The following ANKS1B variants were observed in gnomAD, a reference collection of about 807,000 sequenced individuals.
ANKS1B encodes ankyrin repeat and sterile alpha motif domain containing 1B.
In ANKS1B, 36 loss-of-function variants were observed where a neutral mutation model predicts 148.3. The observed-to-expected ratio is 0.24, with a 90% CI of 0.19 to 0.32. The LOEUF (loss-of-function observed/expected upper bound fraction) is 0.32, where lower values mean the gene tolerates loss of function less well. ANKS1B is among the 10% of genes least tolerant of loss of function. The probability of loss-of-function intolerance (pLI) is 1.00; values close to 1 mark genes in which losing one functional copy is unlikely to be tolerated. For synonymous variants in ANKS1B, 542 were observed against 560.8 expected (o/e 0.97, Z 0.47); for missense variants, 1,157 against 1,542.6 (o/e 0.75, Z 4.19).
chr12:99,724,327 G>A (rs376604075), intron 8 of ANKS1B, among the ~76,000 whole-genome samples: 8 of 152,194 alleles, frequency 5.3e-5, no homozygotes, highest in Admixed American at 5.2e-4. Flanking sequence ...TGATGGAGCT[G>A]AAAAACACAG....
chr12:99,877,474 C>T (rs1453753062), intron 1 of ANKS1B, among the ~76,000 whole-genome samples: 3 of 152,158 alleles, frequency 2.0e-5, no homozygotes, highest in African/African-American at 7.2e-5. Flanking sequence ...TAGGAAGCCT[C>T]CAAATCTAGG....
intron 22 of ANKS1B, among the ~76,000 whole-genome samples, chr12:98,786,245 G>A (rs532622342): frequency 6.6e-5 from 10 of 152,222 alleles, no homozygotes; most frequent in Non-Finnish European, 1.2e-4. Flanking sequence ...GAGATGTTAC[G>A]TTTCTGAAAT....
chr12:99,594,520 G>A (rs377304923), intron 9 of ANKS1B, among the ~76,000 whole-genome samples: 62 of 152,010 alleles, frequency 4.1e-4, no homozygotes, highest in East Asian at 3.5e-3. Flanking sequence ...ACACTCATAC[G>A]GTGGAATATT....
rs911347238 is a variant in ANKS1B at position 98,895,388 on chromosome 12, C to T, written c.2779-63252G>A. 34 of 862,504 alleles carry T rather than the reference C, an allele frequency of 3.9e-5. 1 individual carries two copies. The Admixed American group carries it at 1.9e-3, about 47-fold the overall frequency. 53.4% of individuals were successfully genotyped at this position (862,504 alleles called of 1,614,324 possible). A position where few individuals can be genotyped will look rare whatever the true frequency, so the allele number is the denominator to read the frequency against. Reference sequence around the variant, plus strand: ...TCCGCGGGTGCCCAGGTGACCGGCTCGGCAGCGGCAGAGCAGTGGCAGCAG... The same window carrying T: ...TCCGCGGGTGCCCAGGTGACCGGCTTGGCAGCGGCAGAGCAGTGGCAGCAG... On this transcript the variant is annotated intron_variant, in intron 17 of 26. Transcript: ENST00000683438.
chr12:99,719,940 T>A (rs1300349902), intron 8 of ANKS1B, among the ~76,000 whole-genome samples: 2 of 151,904 alleles, frequency 1.3e-5, no homozygotes, highest in Non-Finnish European at 2.9e-5. Context: ...TCCCACCTAC[T>A]CCCCCGCTGA....
intron 1 of ANKS1B, among the ~76,000 whole-genome samples, chr12:99,868,931 C>A (rs2091112827): frequency 6.6e-6 from 1 of 152,068 alleles, no homozygotes; most frequent in Non-Finnish European, 1.5e-5. Flanking sequence ...GTGGCAGGCT[C>A]CTGTAATCCC....
In ANKS1B at chr12:99,475,503, A is replaced by T. The variant is rs934280983; in HGVS notation, c.1438+28973T>A. ...TTTAAAAAACTATATATTTTATTAA[A>T]TGTCATGTAAAATCTGAATAAATCT... On this transcript the variant is annotated intron_variant, in intron 10 of 26. Coordinates refer to ENST00000683438, the MANE Select transcript of ANKS1B (RefSeq NM_001352186.2). Among the ~76,000 whole-genome samples the T allele has an allele frequency of 3.9e-5, 6 of 151,916 alleles. No individual in the cohort carries two copies. In the South Asian group the frequency reaches 1.2e-3, roughly 31 times the overall value.
intron 9 of ANKS1B, among the ~76,000 whole-genome samples, chr12:99,574,055 T>C (rs921500004): frequency 5.3e-5 from 8 of 152,226 alleles, no homozygotes; most frequent in African/African-American, 1.7e-4. Context: ...AGGAATTGCC[T>C]TGACCAACAT....
chr12:99,361,072 C>G (rs1026800989), intron 12 of ANKS1B, among the ~76,000 whole-genome samples: 1 of 151,940 alleles, frequency 6.6e-6, no homozygotes, highest in African/African-American at 2.4e-5. Context: ...TATAGGGTGA[C>G]TACAGTCAAC....
At chr12:99,347,631 T>G (rs2090890430) in intron 12 of ANKS1B, among the ~76,000 whole-genome samples, 1 of 152,040 alleles carries the variant, frequency 6.6e-6, no homozygotes, top group Non-Finnish European at 1.5e-5. Flanking sequence ...GAGATTTCAG[T>G]GACCACAGAG....
At chr12:99,901,910 T>A (rs2093613563) in intron 1 of ANKS1B, among the ~76,000 whole-genome samples, 1 of 152,198 alleles carries the variant, frequency 6.6e-6, no homozygotes, top group Non-Finnish European at 1.5e-5. Context: ...TCCTCATCTG[T>A]AAAACAAAGA....
chr12:99,254,352 C>T lies in ANKS1B; in HGVS notation c.1757-7488G>A, dbSNP rs369290321. Among the ~76,000 whole-genome samples the T allele has an allele frequency of 1.4e-3, 220 of 152,312 alleles. 2 individuals are homozygous for T. The highest frequency in any genetic ancestry group is 5.0e-3 in the African/African-American group (210 of 41,586). ...GAAGTCAAAACAATTTTCAGACTAA[C>T]ACTAAGACATTATTTGCCCATTTCA... On this transcript the variant is annotated intron_variant, in intron 12 of 26. Coordinates refer to ENST00000683438, the MANE Select transcript of ANKS1B (RefSeq NM_001352186.2).
chr12:99,858,278 C>T (rs2089496422), intron 1 of ANKS1B, among the ~76,000 whole-genome samples: 1 of 152,026 alleles, frequency 6.6e-6, no homozygotes, highest in Non-Finnish European at 1.5e-5. Flanking sequence ...AACAAACATA[C>T]AAAAAAATGC....
intron 1 of ANKS1B, among the ~76,000 whole-genome samples, chr12:99,959,482 T>C (rs529508147): frequency 6.6e-6 from 1 of 152,240 alleles, no homozygotes; most frequent in East Asian, 1.9e-4. Flanking sequence ...ATTGCATATA[T>C]ATTAAAATCT....
intron 1 of ANKS1B, among the ~76,000 whole-genome samples, chr12:99,924,974 T>C (rs1229847752): frequency 1.3e-5 from 2 of 152,064 alleles, no homozygotes; most frequent in African/African-American, 4.8e-5. Context: ...TTCTTCCCCC[T>C]TTAAAAAAGA....
At chr12:99,349,909 A>G (rs549892492) in intron 12 of ANKS1B, among the ~76,000 whole-genome samples, 3 of 152,188 alleles carry the variant, frequency 2.0e-5, no homozygotes, top group African/African-American at 7.2e-5. Context: ...CTAAATGCCA[A>G]TGAATTGTAT....
chr12:98,884,662 G>A (rs12317344), intron 17 of ANKS1B, among the ~76,000 whole-genome samples: 5,963 of 151,732 alleles, frequency 0.039, 283 homozygotes, highest in African/African-American at 0.12. Flanking sequence ...AGCCGGGCGC[G>A]GTGGCGGGCG....
At chr12:99,681,224 G>A (rs780808827) in intron 8 of ANKS1B, among the ~76,000 whole-genome samples, 2 of 152,036 alleles carry the variant, frequency 1.3e-5, no homozygotes, top group Non-Finnish European at 2.9e-5. Flanking sequence ...CTGGCTAGAG[G>A]CCAACCAACT....
At chr12:98,924,654 T>A (rs980487409) in intron 17 of ANKS1B, among the ~76,000 whole-genome samples, 1 of 152,124 alleles carries the variant, frequency 6.6e-6, no homozygotes, top group African/African-American at 2.4e-5. Context: ...TATTTCGGGG[T>A]GATGCAATCC....
Sources: allele counts gnomAD v4.1 joint callset (sites outside exome capture counted in the v4.1 genomes callset), GRCh38; gene constraint gnomAD v4.1.1; transcripts MANE v1.5; gene names NCBI Gene and HGNC (gene_info 2026-07-23, HGNC 2026-07-21).